Variants in DTD1 observed in about 807,000 individuals in gnomAD.
The protein encoded by DTD1 is D-tyrosyl-tRNA deacylase 1 homolog.
Under a neutral mutation model 25.6 loss-of-function variants are expected in DTD1, and 13 were observed. The observed-to-expected ratio is 0.51, with a 90% CI of 0.33 to 0.81. The LOEUF (loss-of-function observed/expected upper bound fraction) is 0.81, where lower values mean the gene tolerates loss of function less well. Among genes scored for constraint, DTD1 ranks in the 30% least tolerant of loss-of-function variants. The probability of loss-of-function intolerance (pLI) is 0.02; values close to 1 mark genes in which losing one functional copy is unlikely to be tolerated. For synonymous variants in DTD1, 110 were observed against 103.6 expected (o/e 1.06, Z -0.37); for missense variants, 193 against 266.4 (o/e 0.72, Z 1.92).
intron 4 of DTD1, among the ~76,000 whole-genome samples, chr20:18,650,253 A>G (rs1485834498): frequency 2.6e-5 from 4 of 152,188 alleles, no homozygotes; most frequent in Non-Finnish European, 4.4e-5. Flanking sequence ...CACAAAAACA[A>G]AACAGGTAAA....
intron 4 of DTD1, among the ~76,000 whole-genome samples, chr20:18,638,878 C>A (rs756665764): frequency 1.1e-4 from 17 of 152,148 alleles, no homozygotes; most frequent in South Asian, 1.0e-3. Context: ...GGCCCTCAAC[C>A]ACTCTCATAT....
intron 4 of DTD1, among the ~76,000 whole-genome samples, chr20:18,659,763 G>C (rs2060902322): frequency 6.6e-6 from 1 of 151,936 alleles, no homozygotes; most frequent in Non-Finnish European, 1.5e-5. Flanking sequence ...GGGAGTGGGG[G>C]GAAAAGGGAG....
chr20:18,711,890 A>G (rs2061160078), intron 4 of DTD1, among the ~76,000 whole-genome samples: 1 of 151,380 alleles, frequency 6.6e-6, no homozygotes, highest in Non-Finnish European at 1.5e-5. Context: ...CTAAAAATAT[A>G]AAAATTAGCC....
intron 4 of DTD1, among the ~76,000 whole-genome samples, chr20:18,678,343 T>C (rs2060983909): frequency 6.6e-6 from 1 of 152,202 alleles, no homozygotes; most frequent in Non-Finnish European, 1.5e-5. Flanking sequence ...GGTGGACTGT[T>C]AACACCTCCA....
intron 4 of DTD1, among the ~76,000 whole-genome samples, chr20:18,699,867 A>G (rs944094662): frequency 1.3e-5 from 2 of 152,240 alleles, no homozygotes; most frequent in Non-Finnish European, 2.9e-5. Flanking sequence ...AAGAGTTCTC[A>G]TATTCCTTTT....
At chr20:18,707,850 ACTTGTC>A (rs2061132703) in intron 4 of DTD1, among the ~76,000 whole-genome samples, 2 of 151,926 alleles carry the variant, frequency 1.3e-5, no homozygotes, top group African/African-American at 4.8e-5. Flanking sequence ...AGTAGAGGGG[ACTTGTC>A]CCTTGGCACC....
chr20:18,657,240 A>C (rs573839542), intron 4 of DTD1, among the ~76,000 whole-genome samples: 2 of 152,316 alleles, frequency 1.3e-5, no homozygotes, highest in East Asian at 3.9e-4. Flanking sequence ...GAGAGTGCCT[A>C]CTTTGCCGAT....
rs1354811237 is a variant in DTD1 at position 18,749,589 on chromosome 20, A to G, written c.*19+5318A>G. 6.6e-6 allele frequency among the ~76,000 whole-genome samples: 1 copy of G among 152,140 alleles called. No individual in the cohort carries two copies. The highest frequency in any genetic ancestry group is 2.4e-5 in the African/African-American group (1 of 41,426). ...TGAGACTTGCAGGGGTCTGTCATTA[A>G]TGACACCTGAGACTGAGTGAGATAT... On this transcript the variant is annotated intron_variant, in intron 5 of 5. Coordinates refer to ENST00000377452, the MANE Select transcript of DTD1 (RefSeq NM_080820.6). The surrounding 1 kb of genome is among the most constrained non-coding windows in gnomAD (Gnocchi z 4.2).
chr20:18,623,883 TGTG>T (rs2122302621), intron 3 of DTD1, among the ~76,000 whole-genome samples: 1 of 151,378 alleles, frequency 6.6e-6, no homozygotes, highest in Non-Finnish European at 1.5e-5. Flanking sequence ...ACTGTGTGTG[TGTG>T]TGTGTGTGTG....
intron 1 of DTD1, chr20:18,588,756 A>G: frequency 1.0e-6 from 1 of 985,098 alleles, no homozygotes; most frequent in Non-Finnish European, 1.2e-6. Flanking sequence ...TCAAGATGAA[A>G]ACATTTCTCT....
intron 5 of DTD1, among the ~76,000 whole-genome samples, chr20:18,759,429 TG>T (rs2061352487): frequency 6.6e-6 from 1 of 152,230 alleles, no homozygotes. Context: ...AGGGCAGGCC[TG>T]GTGGTGACCA....
intron 3 of DTD1, among the ~76,000 whole-genome samples, chr20:18,598,659 G>A (rs1188011480): frequency 7.0e-6 from 1 of 143,482 alleles, no homozygotes; most frequent in African/African-American, 2.6e-5. Flanking sequence ...CACCACACCC[G>A]GCTAATTTTT....
intron 4 of DTD1, among the ~76,000 whole-genome samples, chr20:18,683,685 G>A (rs1422785656): frequency 6.6e-6 from 1 of 152,316 alleles, no homozygotes; most frequent in South Asian, 2.1e-4. Context: ...TTCAAAGATA[G>A]CCTGATGCAG....
intron 4 of DTD1, among the ~76,000 whole-genome samples, chr20:18,712,476 G>A (rs1009826615): frequency 3.9e-5 from 6 of 152,056 alleles, no homozygotes; most frequent in South Asian, 2.1e-4. Flanking sequence ...CCTTGCTCCC[G>A]CAGTGGTCTC....
At chr20:18,758,978 A>G (rs1420303019) in intron 5 of DTD1, among the ~76,000 whole-genome samples, 1 of 152,012 alleles carries the variant, frequency 6.6e-6, no homozygotes, top group Admixed American at 6.6e-5. Context: ...TGATCTCTTT[A>G]CCATTATGTA....
intron 3 of DTD1, among the ~76,000 whole-genome samples, chr20:18,621,848 A>G (rs1046419429): frequency 1.2e-4 from 18 of 152,128 alleles, no homozygotes; most frequent in African/African-American, 4.1e-4. Context: ...GCGGATCACA[A>G]GGTCAGGAGA....
chr20:18,708,230 T>G (rs2061136859), intron 4 of DTD1, among the ~76,000 whole-genome samples: 1 of 4,182 alleles, frequency 2.4e-4, no homozygotes, highest in Non-Finnish European at 7.2e-4. Flanking sequence ...TATATATATA[T>G]TTTATATATA....
chr20:18,618,672 T>TACACACACACACACACACAC (rs751474809), intron 3 of DTD1, among the ~76,000 whole-genome samples: 1 of 130,548 alleles, frequency 7.7e-6, no homozygotes, highest in Non-Finnish European at 1.6e-5. Flanking sequence ...CATAATTTTA[T>TACACACACACACACACACAC]ACACACACAC....
intron 5 of DTD1, among the ~76,000 whole-genome samples, chr20:18,759,337 G>C (rs2061351946): frequency 1.3e-5 from 2 of 152,154 alleles, no homozygotes; most frequent in Non-Finnish European, 2.9e-5. Context: ...AGCCTCGATG[G>C]TCTTTACAAT....
Sources: gnomAD v4.1 joint callset for allele counts (sites outside exome capture counted in the v4.1 genomes callset) on GRCh38, gnomAD v4.1.1 for gene constraint, Gnocchi (gnomAD v3.1) non-coding constraint, MANE v1.5 for transcripts, NCBI Gene and HGNC (gene_info 2026-07-23, HGNC 2026-07-21) for gene names.